The following DUSP19 variants were observed in gnomAD, a reference collection of about 807,000 sequenced individuals.
DUSP19 encodes dual specificity protein phosphatase 19.
DUSP19 carries 14 observed loss-of-function variants against 16.6 expected under a neutral mutation model. The observed-to-expected ratio is 0.84, with a 90% CI of 0.56 to 1.32. DUSP19 has a LOEUF of 1.32. DUSP19 is among the 40% of genes most tolerant of loss of function. The pLI is 0.00. For missense variants in DUSP19, 258 were observed against 255.9 expected, an observed-to-expected ratio of 1.01 and a Z score of -0.06; for synonymous variants, 81 against 90.5, an observed-to-expected ratio of 0.90 and a Z score of 0.59.
At chr2:183,086,973 C>A (rs1040383990) in intron 2 of DUSP19, 67 bp from the exon 3 acceptor site, 15 of 1,489,494 alleles carry the variant, frequency 1.0e-5, no homozygotes, top group Non-Finnish European at 1.4e-5. Flanking sequence ...TATCAACACC[C>A]CAGTCTCTTT....
intron 1 of DUSP19, 38 bp downstream of exon 1, chr2:183,079,197 T>C: frequency 6.4e-7 from 1 of 1,564,264 alleles, no homozygotes; most frequent in Middle Eastern, 1.7e-4. Context: ...ATTGAGTCCT[T>C]TTAGCCAGAT....
At chr2:183,085,044 A>G (rs1008437301) in intron 2 of DUSP19, among the ~76,000 whole-genome samples, 6 of 152,152 alleles carry the variant, frequency 3.9e-5, no homozygotes. Context: ...GCTTTGAAGG[A>G]GAAACAGTGT....
rs964175494 is a variant in DUSP19, at chr2:183,098,743, A to G, written c.*3085A>G. 4 of 152,178 alleles carry G rather than the reference A, an allele frequency of 2.6e-5. No homozygotes were observed. The highest frequency in any genetic ancestry group is 5.9e-5 in the Non-Finnish European group (4 of 68,008). 9.4% of individuals were successfully genotyped at this position (152,178 alleles called of 1,614,324 possible). ...CAAAGGCAGTGGAGCATACAATACA[A>G]TTCTATTTATTTGAGGTTAATTGAA... On this transcript the variant is annotated 3_prime_UTR_variant, in exon 4 of 4. Transcript: ENST00000354221.
Position 183,097,572 on chromosome 2 carries a change from T to A in DUSP19, c.*1914T>A, listed in dbSNP as rs565180371. ...TTACACCGTGACAAGATGCCATCAC[T>A]TGTGATGTTATGAACTGTTATAAAC... is the stretch of plus-strand genomic sequence containing the variant. On this transcript the variant is annotated 3_prime_UTR_variant, in exon 4 of 4. Coordinates refer to ENST00000354221, the MANE Select transcript of DUSP19 (RefSeq NM_080876.4). The A allele has an allele frequency of 1.6e-4, 24 of 152,300 alleles. No individual in the cohort carries two copies. The highest frequency in any genetic ancestry group is 5.5e-4 in the African/African-American group (23 of 41,572). The allele number at this position is 152,300 out of a possible 1,614,324, so 9.4% of individuals were successfully genotyped here.
Position 183,099,018 on chromosome 2 carries a change from C to T in DUSP19, c.*3360C>T, listed in dbSNP as rs1230613746. ...TTTTCTTCCCTTCTTCCCTATTGAA[C>T]CTTGATTAAAATGTATGAATACAAT... On this transcript the variant is annotated 3_prime_UTR_variant, in exon 4 of 4. Transcript: ENST00000354221. The T allele has an allele frequency of 6.6e-6, 1 of 150,634 alleles. No homozygotes were observed. Among genetic ancestry groups the T allele is most frequent in the East Asian group, 2.0e-4 (1 of 5,032 alleles). The allele number at this position is 150,634 out of a possible 1,614,324, so 9.3% of individuals were successfully genotyped here. A position where few individuals can be genotyped will look rare whatever the true frequency, so the allele number is the denominator to read the frequency against.
At position 183,091,436 on chromosome 2, in the gene DUSP19, G is replaced by A. The variant is rs368633054; in HGVS notation, c.427-3995G>A. Among the ~76,000 whole-genome samples, 10 of 152,092 alleles carry A rather than the reference G, an allele frequency of 6.6e-5. No individual in the cohort carries two copies. In the East Asian group the frequency reaches 1.9e-3, roughly 29 times the overall value. On this transcript the variant is annotated intron_variant, in intron 3 of 3. Coordinates refer to ENST00000354221, the MANE Select transcript of DUSP19 (RefSeq NM_080876.4). ...GAGCAGGTCCAAGCAGCGGCCCAAG[G>A]GACAGGATACAGAATCTTCTTGGGT...
Position 183,095,664 on chromosome 2 carries a change from A to T in DUSP19, c.*6A>T. 6.2e-7 allele frequency: 1 copy of T among 1,602,482 alleles called. No individual in the cohort carries two copies. The highest frequency in any genetic ancestry group is 8.5e-7 in the Non-Finnish European group (1 of 1,171,274). On this transcript the variant is annotated 3_prime_UTR_variant, in exon 4 of 4. Transcript: ENST00000354221. ...TACAGGAGAACAGTTCATGAGTTGC[A>T]TTGTAGCAGACAATGGACAACTGTA...
chr2:183,084,505 G>C (rs116021495), intron 2 of DUSP19, among the ~76,000 whole-genome samples: 1,626 of 152,226 alleles, frequency 0.011, 30 homozygotes, highest in African/African-American at 0.036. Flanking sequence ...AAAGGTGGAT[G>C]CTTTCAGGGA....
In DUSP19 at chr2:183,087,128, C is replaced by G. The variant is rs1394436445; in HGVS notation, c.362C>G (p.Pro121Arg). Residue 121 changes from proline (P) to arginine (R), a missense_variant, in exon 3 of 4, where the codon CCT (proline) becomes CGT (arginine). Pro to Arg is a moderately radical substitution (Grantham distance 103). Coordinates refer to ENST00000354221, the MANE Select transcript of DUSP19 (RefSeq NM_080876.4). ...AAGAGCATTTCTATATTGGATCTGC[C>G]TGAAACCAACATCCTGTCTTATTTT... ...TYKSISILDL[P>R]ETNILSYFPE... 4 of 1,613,390 alleles carry G rather than the reference C, an allele frequency of 2.5e-6. 1 individual carries two copies. The East Asian group carries it at 6.7e-5, about 27-fold the overall frequency.
chr2:183,090,605 G>T (rs1348374438), intron 3 of DUSP19, among the ~76,000 whole-genome samples: 2 of 152,188 alleles, frequency 1.3e-5, no homozygotes, highest in East Asian at 3.8e-4. Context: ...TCCACACTTA[G>T]ATATAAGCAT....
intron 2 of DUSP19, among the ~76,000 whole-genome samples, chr2:183,086,221 G>C (rs549336489): frequency 6.6e-6 from 1 of 152,208 alleles, no homozygotes; most frequent in East Asian, 1.9e-4. Context: ...ACTCTAATGT[G>C]CAGTCATCCT....
chr2:183,080,920 G>A (rs1699584940), intron 1 of DUSP19, among the ~76,000 whole-genome samples: 1 of 152,188 alleles, frequency 6.6e-6, no homozygotes, highest in East Asian at 1.9e-4. Context: ...CTACATGAAT[G>A]TTGAAAGAGT....
rs553032042 is a variant in DUSP19, at chr2:183,095,834, C to T, written c.*176C>T. The T allele has an allele frequency of 1.4e-5, 6 of 433,146 alleles. No homozygotes were observed. Among genetic ancestry groups the T allele is most frequent in the African/African-American group, 1.2e-4 (6 of 49,818 alleles). The allele number at this position is 433,146 out of a possible 1,614,324, so 26.8% of individuals were successfully genotyped here. A position where few individuals can be genotyped will look rare whatever the true frequency, so the allele number is the denominator to read the frequency against. On this transcript the variant is annotated 3_prime_UTR_variant, in exon 4 of 4. Transcript: ENST00000354221. Reference sequence around the variant, plus strand: ...TACTGTATAAGTAAATTTCAAATGTCATTACTTTCTCTTTGTTATTATAAT... The same window carrying T: ...TACTGTATAAGTAAATTTCAAATGTTATTACTTTCTCTTTGTTATTATAAT...
chr2:183,095,630 G>A lies in DUSP19; in HGVS notation c.626G>A (p.Cys209Tyr). Residue 209 changes from cysteine to tyrosine, a missense_variant, in exon 4 of 4, where the codon TGT becomes TAT. Cys to Tyr is a radical substitution (Grantham distance 194). Transcript: ENST00000354221. ...TYQEGKESNK[C>Y]DRIQENSS is the part of the protein sequence containing the mutation. ...CAAGAGGGCAAAGAAAGCAATAAGT[G>A]TGACAGAATACAGGAGAACAGTTCA... is the stretch of plus-strand genomic sequence containing the variant. 4 of 1,613,920 alleles carry A rather than the reference G, an allele frequency of 2.5e-6. No homozygotes were observed. The highest frequency in any genetic ancestry group is 3.4e-6 in the Non-Finnish European group (4 of 1,179,848).
rs559007668 is a variant in DUSP19, at chr2:183,098,763, A to G, written c.*3105A>G. ...ATACAATTCTATTTATTTGAGGTTAATTGAAGTTAATAATTTTTAAATTTT... is the reference window on the plus strand; with the variant it reads ...ATACAATTCTATTTATTTGAGGTTAGTTGAAGTTAATAATTTTTAAATTTT... On this transcript the variant is annotated 3_prime_UTR_variant, in exon 4 of 4. Transcript: ENST00000354221. 6.6e-6 allele frequency: 1 copy of G among 152,332 alleles called. No homozygotes were observed. The highest frequency in any genetic ancestry group is 2.4e-5 in the African/African-American group (1 of 41,592). The allele number at this position is 152,332 out of a possible 1,614,324, so 9.4% of individuals were successfully genotyped here.
At position 183,096,487 on chromosome 2, in the gene DUSP19, T is replaced by C. The variant is rs558705747; in HGVS notation, c.*829T>C. The C allele has an allele frequency of 6.6e-6, 1 of 152,162 alleles. No individual in the cohort carries two copies. The highest frequency in any genetic ancestry group is 1.5e-5 in the Non-Finnish European group (1 of 68,020). 9.4% of individuals were successfully genotyped at this position (152,162 alleles called of 1,614,324 possible). The stretch of plus-strand genomic sequence containing the variant: ...CTGACCTCAGGTGATCCACCCACCT[T>C]GGCCTCTCTAAATACTGGGATTACA... On this transcript the variant is annotated 3_prime_UTR_variant, in exon 4 of 4. Transcript: ENST00000354221.
rs1699820861 is a variant in DUSP19, at chr2:183,097,674, A to T, written c.*2016A>T. On this transcript the variant is annotated 3_prime_UTR_variant, in exon 4 of 4. Transcript: ENST00000354221. The stretch of plus-strand genomic sequence containing the variant: ...CTTTGAAGCCAACCAAGGCAGGCAG[A>T]ACCCTCTTAAATATGAGACTGATGT... 6.6e-6 allele frequency: 1 copy of T among 152,204 alleles called. No individual in the cohort carries two copies. The highest frequency in any genetic ancestry group is 1.5e-5 in the Non-Finnish European group (1 of 68,038). 9.4% of individuals were successfully genotyped at this position (152,204 alleles called of 1,614,324 possible). A position where few individuals can be genotyped will look rare whatever the true frequency, so the allele number is the denominator to read the frequency against.
rs1559125912 is a variant in DUSP19, at chr2:183,078,906, G to A, written c.-28G>A. On this transcript the variant is annotated 5_prime_UTR_variant, in exon 1 of 4. Coordinates refer to ENST00000354221, the MANE Select transcript of DUSP19 (RefSeq NM_080876.4). The stretch of plus-strand genomic sequence containing the variant: ...TTTTCTATGCCTGCTGGATTTGTTT[G>A]TATTTGTTCCCAGCCACTGCTCATG... 1 of 1,605,250 alleles carries A rather than the reference G, an allele frequency of 6.2e-7. No homozygotes were observed. Among genetic ancestry groups the A allele is most frequent in the South Asian group, 1.1e-5 (1 of 90,492 alleles).
chr2:183,097,395 G>C lies in DUSP19; in HGVS notation c.*1737G>C, dbSNP rs896842674. 1 of 152,142 alleles carries C rather than the reference G, an allele frequency of 6.6e-6. No homozygotes were observed. The highest frequency in any genetic ancestry group is 1.5e-5 in the Non-Finnish European group (1 of 68,020). 9.4% of individuals were successfully genotyped at this position (152,142 alleles called of 1,614,324 possible). The stretch of plus-strand genomic sequence containing the variant: ...TGCCATGTAGGTTTTATTTTTAAAA[G>C]TCTTGAGCTCTTCTTAAATATACAT... On this transcript the variant is annotated 3_prime_UTR_variant, in exon 4 of 4. Transcript: ENST00000354221.
Sources: gnomAD v4.1 joint callset for allele counts (sites outside exome capture counted in the v4.1 genomes callset) on GRCh38, gnomAD v4.1.1 for gene constraint, MANE v1.5 for transcripts, NCBI Gene and HGNC (gene_info 2026-07-23, HGNC 2026-07-21) for gene names.